The following LRIG1 variants were observed in gnomAD, a reference collection of about 807,000 sequenced individuals.
The protein encoded by LRIG1 is leucine rich repeats and immunoglobulin like domains 1.
Under a neutral mutation model 99.2 loss-of-function variants are expected in LRIG1, and 48 were observed. That is an observed-to-expected ratio of 0.48 (90% CI 0.38 to 0.62). The LOEUF (loss-of-function observed/expected upper bound fraction) is 0.62, where lower values mean the gene tolerates loss of function less well. Among genes scored for constraint, LRIG1 ranks in the 20% least tolerant of loss-of-function variants. The probability of loss-of-function intolerance (pLI) is 0.00; values close to 1 mark genes in which losing one functional copy is unlikely to be tolerated. For missense variants in LRIG1, 1,646 were observed against 1,434.4 expected (o/e 1.15, Z -2.38); for synonymous variants, 772 against 596.1 (o/e 1.29, Z -4.30).
chr3:66,384,129 C>G lies in LRIG1; in HGVS notation c.1933G>C (p.Glu645Gln), dbSNP rs1218213310. 1.2e-6 allele frequency: 2 copies of G among 1,614,074 alleles called. No individual in the cohort carries two copies. The highest frequency in any genetic ancestry group is 8.5e-7 in the Non-Finnish European group (1 of 1,180,044). ...DGGTDFPAARERRMHVMPDDD... is the reference protein window; with the variant it reads ...DGGTDFPAARQRRMHVMPDDD... ...TCCGGCATGACATGCATGCGTCGCT[C>G]ACGGGCAGCGGGGAAATCCGTGCCT... is the stretch of plus-strand genomic sequence containing the variant. The change falls in exon 14 of 19, where the codon GAG becomes CAG. Residue 645 changes from glutamate to glutamine, a missense_variant. Transcript: ENST00000273261.
chr3:66,391,295 A>C (rs1243613041), intron 12 of LRIG1, among the ~76,000 whole-genome samples: 1 of 152,228 alleles, frequency 6.6e-6, no homozygotes, highest in Non-Finnish European at 1.5e-5. Context: ...CGTATGACCC[A>C]GCAATTCCAT....
intron 1 of LRIG1, among the ~76,000 whole-genome samples, chr3:66,482,928 C>T (rs941881527): frequency 2.0e-5 from 3 of 152,080 alleles, no homozygotes; most frequent in African/African-American, 4.8e-5. Context: ...TATTTATCAC[C>T]GAACAATGAA....
At chr3:66,465,357 A>ATTTT (rs59148647) in intron 1 of LRIG1, among the ~76,000 whole-genome samples, 15 of 67,714 alleles carry the variant, frequency 2.2e-4, no homozygotes, top group African/African-American at 4.4e-4. Context: ...TCTGAGCATA[A>ATTTT]TTTTTTTTTT....
chr3:66,458,298 G>C (rs1266066610), intron 2 of LRIG1, among the ~76,000 whole-genome samples: 1 of 152,130 alleles, frequency 6.6e-6, no homozygotes, highest in Non-Finnish European at 1.5e-5. Flanking sequence ...TGTAGAGACA[G>C]GGTCTCACTT....
At chr3:66,434,497 A>G (rs1213892428) in intron 3 of LRIG1, among the ~76,000 whole-genome samples, 1 of 152,202 alleles carries the variant, frequency 6.6e-6, no homozygotes, top group East Asian at 1.9e-4. Context: ...CTGTAATCCC[A>G]GTACTTTGGG....
intron 1 of LRIG1, among the ~76,000 whole-genome samples, chr3:66,484,043 A>G (rs1700911708): frequency 6.6e-6 from 1 of 152,260 alleles, no homozygotes; most frequent in African/African-American, 2.4e-5. Context: ...ACAGCCTGTC[A>G]TCTTTTCAAC....
At chr3:66,382,082 G>A (rs1318753185) in intron 16 of LRIG1, among the ~76,000 whole-genome samples, 191 bp downstream of exon 16, 1 of 152,204 alleles carries the variant, frequency 6.6e-6, no homozygotes, top group African/African-American at 2.4e-5. Flanking sequence ...TGAGGGGACA[G>A]GACTTTAAAA....
chr3:66,407,577 G>T lies in LRIG1; in HGVS notation c.936-86C>A, dbSNP rs1228802573. The T allele has an allele frequency of 4.0e-6, 6 of 1,482,980 alleles. No individual in the cohort carries two copies. In the Admixed American group the frequency reaches 5.2e-5, roughly 13 times the overall value. 91.9% of individuals were successfully genotyped at this position (1,482,980 alleles called of 1,614,324 possible). ...ACCGGAAATTGGGCCACAGTCAGCT[G>T]GGTTTCAGTGGGAAATGACACAGAT... On this transcript the variant is annotated intron_variant, in intron 7 of 18. Transcript: ENST00000273261.
At chr3:66,484,287 T>C (rs1331470434) in intron 1 of LRIG1, among the ~76,000 whole-genome samples, 2 of 152,206 alleles carry the variant, frequency 1.3e-5, no homozygotes, top group Non-Finnish European at 2.9e-5. Flanking sequence ...CACTGGTATC[T>C]GTCACGAGCA....
At chr3:66,388,485 G>A (rs745775964) in intron 12 of LRIG1, among the ~76,000 whole-genome samples, 2 of 152,102 alleles carry the variant, frequency 1.3e-5, no homozygotes, top group African/African-American at 2.4e-5. Context: ...GATGAAAAAT[G>A]TGCAGCCACA....
intron 3 of LRIG1, among the ~76,000 whole-genome samples, chr3:66,429,836 G>A (rs944612698): frequency 6.9e-6 from 1 of 144,944 alleles, no homozygotes; most frequent in Non-Finnish European, 1.5e-5. Flanking sequence ...AGATGGCGGG[G>A]GCATATGGGA....
intron 5 of LRIG1, among the ~76,000 whole-genome samples, chr3:66,414,358 C>T (rs1702558038): frequency 6.6e-6 from 1 of 151,926 alleles, no homozygotes; most frequent in Non-Finnish European, 1.5e-5. Flanking sequence ...GATCACACCA[C>T]TGCACCCCAC....
rs1033322072 is a variant in LRIG1 at position 66,485,196 on chromosome 3, T to C, written c.218+14994A>G. Among the ~76,000 whole-genome samples, 7 of 151,642 alleles carry C rather than the reference T, an allele frequency of 4.6e-5. No individual in the cohort carries two copies. In the East Asian group the frequency reaches 1.4e-3, roughly 29 times the overall value. On this transcript the variant is annotated intron_variant, in intron 1 of 18. Coordinates refer to ENST00000273261, the MANE Select transcript of LRIG1 (RefSeq NM_015541.3). ...AGGAAAAATTATCATACAAAATTATTGATAAATTCCACCTTTCTCCTTCCA... is the reference window on the plus strand; with the variant it reads ...AGGAAAAATTATCATACAAAATTATCGATAAATTCCACCTTTCTCCTTCCA...
intron 13 of LRIG1, among the ~76,000 whole-genome samples, chr3:66,384,649 A>T (rs555363575): frequency 4.0e-5 from 6 of 151,556 alleles, no homozygotes; most frequent in Non-Finnish European, 7.4e-5. Context: ...TTACAGAGGG[A>T]AGGTGGGCAT....
intron 2 of LRIG1, among the ~76,000 whole-genome samples, chr3:66,461,324 C>T (rs1355049479): frequency 6.6e-6 from 1 of 151,862 alleles, no homozygotes; most frequent in South Asian, 2.1e-4. Flanking sequence ...AACAAACAAA[C>T]AAAAAACAAC....
rs969611869 is a variant in LRIG1, at chr3:66,487,546, T to C, written c.218+12644A>G. On this transcript the variant is annotated intron_variant, in intron 1 of 18. Coordinates refer to ENST00000273261, the MANE Select transcript of LRIG1 (RefSeq NM_015541.3). ...TCAAGGGACTCCTAGGTACATGAAA[T>C]TGAATGATCCCTGCTGCTTTCAAGT... Among the ~76,000 whole-genome samples, 3 of 152,256 alleles carry C rather than the reference T, an allele frequency of 2.0e-5. No homozygotes were observed. In the East Asian group the frequency reaches 5.8e-4, roughly 29 times the overall value.
At position 66,380,851 on chromosome 3, in the gene LRIG1, G is replaced by A. The variant is rs118034960; in HGVS notation, c.2781C>T (p.Gly927=). The part of the protein sequence containing the change: ...TPGPHKMEHG[G]RVVCSDCNTE... ...TGTTGCAGTCACTGCATACGACCCG[G>A]CCACCGTGTTCTGAAGGACAGCGCC... The change falls in exon 18 of 19, where the codon GGC becomes GGT. Residue 927 remains glycine, a synonymous_variant. Transcript: ENST00000273261. The A allele has an allele frequency of 1.7e-3, 2,748 of 1,613,856 alleles. 72 individuals carry two copies. In the East Asian group the frequency reaches 0.049, roughly 28 times the overall value.
At chr3:66,449,174 C>A (rs1703818560) in intron 3 of LRIG1, among the ~76,000 whole-genome samples, 1 of 152,210 alleles carries the variant, frequency 6.6e-6, no homozygotes. Context: ...TTGGGAAATA[C>A]AGAAAAGGCA....
chr3:66,494,965 T>C (rs1434870548), intron 1 of LRIG1, among the ~76,000 whole-genome samples: 3 of 152,204 alleles, frequency 2.0e-5, no homozygotes, highest in African/African-American at 4.8e-5. Flanking sequence ...GAGCAAAACA[T>C]AAATGCAGGT....
Sources: gnomAD v4.1 joint callset for allele counts (sites outside exome capture counted in the v4.1 genomes callset) on GRCh38, gnomAD v4.1.1 for gene constraint, MANE v1.5 for transcripts, NCBI Gene and HGNC (gene_info 2026-07-23, HGNC 2026-07-21) for gene names.